The following PRKN variants were observed in gnomAD, a reference collection of about 807,000 sequenced individuals.
PRKN encodes the protein E3 ubiquitin-protein ligase parkin.
In PRKN, 56 loss-of-function variants were observed where a neutral mutation model predicts 59.5. The observed-to-expected ratio is 0.94, with a 90% CI of 0.76 to 1.18. The LOEUF (loss-of-function observed/expected upper bound fraction) is 1.18, where lower values mean the gene tolerates loss of function less well. Ranked by LOEUF, PRKN falls within the 50% of genes most tolerant of loss-of-function variation. The pLI is 0.00. For missense variants in PRKN, 657 were observed against 596.4 expected (o/e 1.10, Z -1.06); for synonymous variants, 250 against 222.1 (o/e 1.13, Z -1.12).
At chr6:162,211,026 C>G (rs998138734) in intron 3 of PRKN, among the ~76,000 whole-genome samples, 5 of 152,108 alleles carry the variant, frequency 3.3e-5, no homozygotes, top group Non-Finnish European at 7.3e-5. Flanking sequence ...TGAATGGTGT[C>G]CCCAAGACAG....
At chr6:162,594,856 T>G (rs147915614) in intron 1 of PRKN, among the ~76,000 whole-genome samples, 1 of 152,340 alleles carries the variant, frequency 6.6e-6, no homozygotes, top group African/African-American at 2.4e-5. Flanking sequence ...TCTTAGAGCT[T>G]ATTTTCTCTC....
At chr6:161,757,177 G>T (rs1788962195) in intron 7 of PRKN, among the ~76,000 whole-genome samples, 1 of 152,268 alleles carries the variant, frequency 6.6e-6, no homozygotes, top group Non-Finnish European at 1.5e-5. Flanking sequence ...GTTAGGCAAA[G>T]ATTTCTTAGG....
rs1202613535 is a variant in PRKN at position 161,526,181 on chromosome 6, A to C, written c.1083+22673T>G. 6.6e-6 allele frequency among the ~76,000 whole-genome samples: 1 copy of C among 152,236 alleles called. No homozygotes were observed. The highest frequency in any genetic ancestry group is 2.4e-5 in the African/African-American group (1 of 41,474). On this transcript the variant is annotated intron_variant, in intron 9 of 11. Transcript: ENST00000366898. The surrounding 1 kb of genome is among the most constrained non-coding windows in gnomAD (Gnocchi z 4.1). ...TCATCACAGTCAGTTTCAAGCTGCC[A>C]ACATGAAGTTGCTGAACATGGAGCT...
At chr6:161,392,080 C>T (rs1245147702) in intron 9 of PRKN, among the ~76,000 whole-genome samples, 2 of 151,978 alleles carry the variant, frequency 1.3e-5, no homozygotes, top group African/African-American at 4.8e-5. Flanking sequence ...TCTGGTGAAG[C>T]TCTGGCTGAT....
chr6:162,667,677 C>T (rs890398222), intron 1 of PRKN, among the ~76,000 whole-genome samples: 2 of 151,892 alleles, frequency 1.3e-5, no homozygotes, highest in African/African-American at 2.4e-5. Context: ...ACTTTTCTAA[C>T]AGAAAAATAT....
At position 162,153,134 on chromosome 6, in the gene PRKN, A is replaced by G. The variant is rs116386466; in HGVS notation, c.534+47997T>C. Among the ~76,000 whole-genome samples the G allele has an allele frequency of 1.5e-3, 235 of 152,364 alleles. 1 individual carries two copies. Among genetic ancestry groups the G allele is most frequent in the Middle Eastern group, 6.8e-3 (2 of 294 alleles). On this transcript the variant is annotated intron_variant, in intron 4 of 11. Coordinates refer to ENST00000366898, the MANE Select transcript of PRKN (RefSeq NM_004562.3). ...CAGGATATTTTCTTGACCCCTTCAC[A>G]GGACCTGTGACAGAGCTGTCCCGTT...
chr6:162,110,757 C>G (rs769664883), intron 4 of PRKN, among the ~76,000 whole-genome samples: 2 of 152,128 alleles, frequency 1.3e-5, no homozygotes, highest in African/African-American at 4.8e-5. Flanking sequence ...AGATCAGATG[C>G]TAGTGGGGAT....
chr6:161,591,397 G>C (rs896983333), intron 7 of PRKN, among the ~76,000 whole-genome samples: 1 of 152,188 alleles, frequency 6.6e-6, no homozygotes, highest in Non-Finnish European at 1.5e-5. Flanking sequence ...AATGACACTC[G>C]AACAGCACAG....
chr6:162,722,528 C>T (rs1180544832), intron 1 of PRKN, among the ~76,000 whole-genome samples: 1 of 152,118 alleles, frequency 6.6e-6, no homozygotes, highest in Non-Finnish European at 1.5e-5. Flanking sequence ...CAAATTAAAA[C>T]AGAAACATTG....
At chr6:162,620,855 T>C (rs532208242) in intron 1 of PRKN, among the ~76,000 whole-genome samples, 1 of 152,150 alleles carries the variant, frequency 6.6e-6, no homozygotes, top group Non-Finnish European at 1.5e-5. Flanking sequence ...TGCCCAGATA[T>C]ATATTTTTTA....
At chr6:162,190,069 G>T (rs183182763) in intron 4 of PRKN, among the ~76,000 whole-genome samples, 2 of 152,086 alleles carry the variant, frequency 1.3e-5, no homozygotes, top group Non-Finnish European at 2.9e-5. Flanking sequence ...GGGAGAACCC[G>T]TAGTTCAATC....
intron 1 of PRKN, among the ~76,000 whole-genome samples, chr6:162,545,985 T>C (rs1779101344): frequency 6.6e-6 from 1 of 152,156 alleles, no homozygotes; most frequent in Non-Finnish European, 1.5e-5. Context: ...CTGTTCATTC[T>C]ATCAGTATAT....
chr6:161,803,053 G>C (rs1488329998), intron 6 of PRKN, among the ~76,000 whole-genome samples: 10 of 152,130 alleles, frequency 6.6e-5, no homozygotes, highest in Non-Finnish European at 1.5e-4. Context: ...CCTTGCATGA[G>C]GAGAAAAACC....
chr6:161,902,615 A>G (rs1777976156), intron 6 of PRKN, among the ~76,000 whole-genome samples: 2 of 133,100 alleles, frequency 1.5e-5, no homozygotes, highest in South Asian at 4.8e-4. Context: ...GCTGGAGTGC[A>G]GTGGTACCAT....
chr6:161,474,095 C>T (rs1054957106), intron 9 of PRKN, among the ~76,000 whole-genome samples: 1 of 152,194 alleles, frequency 6.6e-6, no homozygotes, highest in African/African-American at 2.4e-5. Flanking sequence ...TCAGTTTACT[C>T]TTTCCAAACT....
At chr6:161,637,354 G>A (rs182700836) in intron 7 of PRKN, among the ~76,000 whole-genome samples, 1 of 151,812 alleles carries the variant, frequency 6.6e-6, no homozygotes, top group East Asian at 1.9e-4. Context: ...TCATATGGCT[G>A]CCATACATTT....
At chr6:162,022,156 C>T (rs1460853296) in intron 5 of PRKN, among the ~76,000 whole-genome samples, 1 of 152,018 alleles carries the variant, frequency 6.6e-6, no homozygotes, top group Non-Finnish European at 1.5e-5. Context: ...TTGCAATAAA[C>T]ATATGAGTTT....
chr6:162,098,004 T>C (rs1414516486), intron 4 of PRKN, among the ~76,000 whole-genome samples: 2 of 152,220 alleles, frequency 1.3e-5, no homozygotes, highest in Non-Finnish European at 2.9e-5. Context: ...CAGCATCACA[T>C]TGCACAACAC....
chr6:161,504,589 A>ATG lies in PRKN; in HGVS notation c.1083+44263_1083+44264dup, dbSNP rs577771804. Reference sequence around the variant, plus strand: ...TGCACAATGTGCAGGTTAGTTACATATGTATACATGTGACATGCTGGTGCG... The same window carrying ATG: ...TGCACAATGTGCAGGTTAGTTACATATGTGTATACATGTGACATGCTGGTGCG... On this transcript the variant is annotated intron_variant, in intron 9 of 11. Transcript: ENST00000366898. Among the ~76,000 whole-genome samples, 1,082 of 151,744 alleles carry ATG rather than the reference A, an allele frequency of 7.1e-3. 16 individuals are homozygous for ATG. The highest frequency in any genetic ancestry group is 0.024 in the African/African-American group (1,012 of 41,384).
Sources: gnomAD v4.1 joint callset for allele counts (sites outside exome capture counted in the v4.1 genomes callset) on GRCh38, gnomAD v4.1.1 for gene constraint, Gnocchi (gnomAD v3.1) non-coding constraint, MANE v1.5 for transcripts, NCBI Gene and HGNC (gene_info 2026-07-23, HGNC 2026-07-21) for gene names.